The following ACTR1B variants were observed in gnomAD, a reference collection of about 807,000 sequenced individuals.
ACTR1B encodes actin related protein 1B, also known as beta-centractin.
ACTR1B carries 34 observed loss-of-function variants against 49.4 expected under a neutral mutation model. The ratio of observed to expected loss-of-function variants is 0.69; its 90% CI spans 0.52 to 0.92. The LOEUF is 0.92. Ranked by LOEUF, ACTR1B falls within the 40% of genes least tolerant of loss-of-function variation. The pLI is 0.00. For synonymous variants in ACTR1B, 207 were observed against 207.8 expected, an observed-to-expected ratio of 1.00 and a Z score of 0.03; for missense variants, 471 against 522.4, an observed-to-expected ratio of 0.90 and a Z score of 0.96.
chr2:97,664,015 G>T lies in ACTR1B; in HGVS notation c.-125C>A. ...GCCGCTGCCCTCCCTCCCCGAGCCT[G>T]CAGCCTACGCGAGCCCCGCGGGGCT... On this transcript the variant is annotated 5_prime_UTR_variant, in exon 1 of 11. Coordinates refer to ENST00000289228, the MANE Select transcript of ACTR1B (RefSeq NM_005735.4). 1 of 472,486 alleles carries T rather than the reference G, an allele frequency of 2.1e-6. No homozygotes were observed. The highest frequency in any genetic ancestry group is 3.2e-6 in the Non-Finnish European group (1 of 310,024). The allele number at this position is 472,486 out of a possible 1,614,324, so 29.3% of individuals were successfully genotyped here.
Position 97,658,276 on chromosome 2 carries a change from GCCT to G in ACTR1B, c.695_697del (p.Glu232del), listed in dbSNP as rs1357983489. ...GTACTGCACCTTCTCCGTCTCCAGA[GCCT>G]CATCCTTCTGTGGGTTGATGGACAG... is the stretch of plus-strand genomic sequence containing the variant. On this transcript the variant is annotated inframe_deletion, in exon 7 of 11. Coordinates refer to ENST00000289228, the MANE Select transcript of ACTR1B (RefSeq NM_005735.4). The surrounding 1 kb of genome is among the most constrained non-coding windows in gnomAD (Gnocchi z 5.9). 3.7e-6 allele frequency: 6 copies of G among 1,614,078 alleles called. No individual in the cohort carries two copies. The highest frequency in any genetic ancestry group is 5.1e-6 in the Non-Finnish European group (6 of 1,180,050).
intron 2 of ACTR1B, 72 bp from the exon 3 acceptor site, chr2:97,660,718 C>T: frequency 6.8e-7 from 1 of 1,474,550 alleles, no homozygotes; most frequent in South Asian, 1.1e-5. Context: ...AAACCGAAAT[C>T]CAACCATAGT....
Position 97,663,946 on chromosome 2 carries a change from C to A in ACTR1B, c.-56G>T. The A allele has an allele frequency of 5.2e-6, 1 of 193,426 alleles. No homozygotes were observed. Among genetic ancestry groups the A allele is most frequent in the Non-Finnish European group, 1.1e-5 (1 of 91,704 alleles). The allele number at this position is 193,426 out of a possible 1,614,324, so 12.0% of individuals were successfully genotyped here. On this transcript the variant is annotated 5_prime_UTR_variant, in exon 1 of 11. Coordinates refer to ENST00000289228, the MANE Select transcript of ACTR1B (RefSeq NM_005735.4). ...CGGGCTGCAGGAGGCACCGGATGGG[C>A]GGGCGGGCGGGAGGACCGGGACGGC...
rs551464888 is a variant in ACTR1B, at chr2:97,658,160, C to G, written c.751-43G>C. 6.2e-7 allele frequency: 1 copy of G among 1,612,680 alleles called. No homozygotes were observed. The highest frequency in any genetic ancestry group is 2.2e-5 in the East Asian group (1 of 44,852). ...GAGGCAGACAGGCTTCCTGGAGAAG[C>G]GGGCTACCCCTTCCCCCAGGCTGGG... On this transcript the variant is annotated intron_variant, in intron 7 of 10. Transcript: ENST00000289228. The surrounding 1 kb of genome is among the most constrained non-coding windows in gnomAD (Gnocchi z 5.9).
At chr2:97,661,091 C>G (rs866697574) in intron 2 of ACTR1B, among the ~76,000 whole-genome samples, 1 of 152,228 alleles carries the variant, frequency 6.6e-6, no homozygotes, top group Non-Finnish European at 1.5e-5. Context: ...CCACTGCCAG[C>G]GCTTCTGGAT....
chr2:97,661,062 CT>C (rs1675001169), intron 2 of ACTR1B, among the ~76,000 whole-genome samples: 3 of 152,252 alleles, frequency 2.0e-5, no homozygotes, highest in African/African-American at 7.2e-5. Context: ...CCTGCTCTCA[CT>C]CAGTCAAGCG....
chr2:97,663,816 G>GCCCTCCGCGC, intron 1 of ACTR1B, 27 bp downstream of exon 1: 1 of 1,363,848 alleles, frequency 7.3e-7, no homozygotes, highest in Non-Finnish European at 9.6e-7. Context: ...CGGGGCGCCC[G>GCCCTCCGCGC]CCCTCCCCCT....
rs2104494553 is a variant in ACTR1B at position 97,656,471 on chromosome 2, G to A, written c.*387C>T. On this transcript the variant is annotated 3_prime_UTR_variant, in exon 11 of 11. Coordinates refer to ENST00000289228, the MANE Select transcript of ACTR1B (RefSeq NM_005735.4). Reference sequence around the variant, plus strand: ...CAGTGACACACCAGTGGGAGCTGCTGGCTGCCCCTTGCAGCCCACTCCCCA... The same window carrying A: ...CAGTGACACACCAGTGGGAGCTGCTAGCTGCCCCTTGCAGCCCACTCCCCA... 1 of 262,022 alleles carries A rather than the reference G, an allele frequency of 3.8e-6. No individual in the cohort carries two copies. The highest frequency in any genetic ancestry group is 4.9e-5 in the Admixed American group (1 of 20,388). 16.2% of individuals were successfully genotyped at this position (262,022 alleles called of 1,614,324 possible).
At position 97,659,266 on chromosome 2, in the gene ACTR1B, A is replaced by G; in HGVS notation, c.315+86T>C. 6.3e-7 allele frequency: 1 copy of G among 1,587,250 alleles called. No homozygotes were observed. Among genetic ancestry groups the G allele is most frequent in the South Asian group, 1.1e-5 (1 of 88,574 alleles). On this transcript the variant is annotated intron_variant, in intron 4 of 10. Coordinates refer to ENST00000289228, the MANE Select transcript of ACTR1B (RefSeq NM_005735.4). The surrounding 1 kb of genome is among the most constrained non-coding windows in gnomAD (Gnocchi z 4.0). The stretch of plus-strand genomic sequence containing the variant: ...AGGCCCTCTAGAAATGTAGAAGGGA[A>G]ATGTGGGAGCCCGGCGAGGAGGGAC...
At position 97,656,822 on chromosome 2, in the gene ACTR1B, T is replaced by TC; in HGVS notation, c.*35dup. 6.7e-7 allele frequency: 1 copy of TC among 1,498,514 alleles called. No individual in the cohort carries two copies. The allele number at this position is 1,498,514 out of a possible 1,614,324, so 92.8% of individuals were successfully genotyped here. On this transcript the variant is annotated 3_prime_UTR_variant, in exon 11 of 11. Coordinates refer to ENST00000289228, the MANE Select transcript of ACTR1B (RefSeq NM_005735.4). ...GGTTAAAGGCTCTGTCTCCCCTCCCTCCCCCTCTCCCAACATGCCCCGCCC... is the reference window on the plus strand; with the variant it reads ...GGTTAAAGGCTCTGTCTCCCCTCCCTCCCCCCTCTCCCAACATGCCCCGCCC...
chr2:97,658,117 C>T lies in ACTR1B; in HGVS notation c.751G>A (p.Val251Met). The T allele has an allele frequency of 1.9e-6, 3 of 1,613,884 alleles. No homozygotes were observed. The highest frequency in any genetic ancestry group is 2.2e-5 in the East Asian group (1 of 44,874). Residue 251 changes from valine to methionine, a missense_variant and splice_region_variant, in exon 8 of 11, where the codon GTG (valine) becomes ATG (methionine). Val to Met is a conservative substitution (Grantham distance 21, BLOSUM62 1). Transcript: ENST00000289228. The surrounding 1 kb of genome is among the most constrained non-coding windows in gnomAD (Gnocchi z 5.9). ...YTLPDGSTLDVGPARFRAPEL... is the reference protein window; with the variant it reads ...YTLPDGSTLDMGPARFRAPEL... ...GGGGCCCGGAATCGTGCAGGCCCCACCTTTAGTGTACAAGATTGAGGCAGA... is the reference window on the plus strand; with the variant it reads ...GGGGCCCGGAATCGTGCAGGCCCCATCTTTAGTGTACAAGATTGAGGCAGA...
chr2:97,660,425 C>T, intron 3 of ACTR1B, 146 bp downstream of exon 3: 1 of 738,106 alleles, frequency 1.4e-6, no homozygotes, highest in Non-Finnish European at 2.3e-6. Flanking sequence ...TGCCCCATCT[C>T]AGGGGGAGGT....
At position 97,659,874 on chromosome 2, in the gene ACTR1B, CT is replaced by C; in HGVS notation, c.190-398del. On this transcript the variant is annotated intron_variant, in intron 3 of 10. Transcript: ENST00000289228. This position sits in a 1 kb window ranked among gnomAD's most constrained non-coding sequence, Gnocchi z 4.0. Reference sequence around the variant, plus strand: ...GCCCCTCCTGGGCCACCTGTGCCCCCTGACCTACGCCTCTCCCCCCAGCCCT... The same window carrying C: ...GCCCCTCCTGGGCCACCTGTGCCCCCGACCTACGCCTCTCCCCCCAGCCCT... 3.4e-6 allele frequency: 1 copy of C among 297,938 alleles called. No homozygotes were observed. Among genetic ancestry groups the C allele is most frequent in the Non-Finnish European group, 6.4e-6 (1 of 156,006 alleles). The allele number at this position is 297,938 out of a possible 1,614,324, so 18.5% of individuals were successfully genotyped here.
At chr2:97,661,045 T>C (rs1212822173) in intron 2 of ACTR1B, among the ~76,000 whole-genome samples, 1 of 152,214 alleles carries the variant, frequency 6.6e-6, no homozygotes, top group Non-Finnish European at 1.5e-5. Context: ...GGGGCTCCCT[T>C]GTGCACCCTG....
chr2:97,658,629 C>T lies in ACTR1B; in HGVS notation c.455G>A (p.Arg152His), dbSNP rs376955100. Residue 152 changes from arginine to histidine, a missense_variant, in exon 6 of 11, where the codon CGC becomes CAC. Coordinates refer to ENST00000289228, the MANE Select transcript of ACTR1B (RefSeq NM_005735.4). The surrounding 1 kb of genome is among the most constrained non-coding windows in gnomAD (Gnocchi z 5.9). ...TGAGTCTAGAACCACTCCTGTCGTGCGTCCTGTTGCGTACCTGTCACCAGG... is the reference window on the plus strand; with the variant it reads ...TGAGTCTAGAACCACTCCTGTCGTGTGTCCTGTTGCGTACCTGTCACCAGG... ...QAVLSLYATG[R>H]TTGVVLDSGD... 14 of 1,613,696 alleles carry T rather than the reference C, an allele frequency of 8.7e-6. No individual in the cohort carries two copies. Among genetic ancestry groups the T allele is most frequent in the Non-Finnish European group, 1.1e-5 (13 of 1,180,014 alleles).
Position 97,658,088 on chromosome 2 carries a change from CTCGGGGGCCCGGAA to C in ACTR1B, c.766_779del (p.Phe256AlafsTer11). 5.0e-6 allele frequency: 8 copies of C among 1,614,092 alleles called. No homozygotes were observed. Among genetic ancestry groups the C allele is most frequent in the Non-Finnish European group, 6.8e-6 (8 of 1,180,036 alleles). On this transcript the variant is annotated frameshift_variant, in exon 8 of 11. Transcript: ENST00000289228. LOFTEE classifies it high-confidence loss of function. This position sits in a 1 kb window ranked among gnomAD's most constrained non-coding sequence, Gnocchi z 5.9. ...CGACAAGGTCCGGCTGGAACAGCAG[CTCGGGGGCCCGGAA>C]TCGTGCAGGCCCCACCTTTAGTGTA...
Position 97,663,832 on chromosome 2 carries a change from C to T in ACTR1B, c.48+11G>A. 1.4e-6 allele frequency: 2 copies of T among 1,402,358 alleles called. No individual in the cohort carries two copies. The highest frequency in any genetic ancestry group is 1.4e-5 in the South Asian group (1 of 69,154). The allele number at this position is 1,402,358 out of a possible 1,614,324, so 86.9% of individuals were successfully genotyped here. On this transcript the variant is annotated intron_variant, in intron 1 of 10. Coordinates refer to ENST00000289228, the MANE Select transcript of ACTR1B (RefSeq NM_005735.4). ...GGGGCGCCCGCCCTCCCCCTGGCTG[C>T]CGGGCCTCACGTTGTCGATGACCAC...
chr2:97,658,959 G>A lies in ACTR1B; in HGVS notation c.360C>T (p.Asn120=). The A allele has an allele frequency of 6.2e-7, 1 of 1,614,146 alleles. No homozygotes were observed. Among genetic ancestry groups the A allele is most frequent in the Non-Finnish European group, 8.5e-7 (1 of 1,180,016 alleles). ...AGAACACCTCTGCCGCCTTCTCCCGGTTCTTACTCGGGTTGAGCGGGGCCT... is the reference window on the plus strand; with the variant it reads ...AGAACACCTCTGCCGCCTTCTCCCGATTCTTACTCGGGTTGAGCGGGGCCT... The part of the protein sequence containing the change: ...LTEAPLNPSK[N]REKAAEVFFE... Residue 120 remains asparagine, a synonymous_variant, in exon 5 of 11, where the codon AAC becomes AAT. Coordinates refer to ENST00000289228, the MANE Select transcript of ACTR1B (RefSeq NM_005735.4). This position sits in a 1 kb window ranked among gnomAD's most constrained non-coding sequence, Gnocchi z 5.9.
At position 97,659,747 on chromosome 2, in the gene ACTR1B, C is replaced by T. The variant is rs1674962106; in HGVS notation, c.190-270G>A. 5.7e-6 allele frequency: 3 copies of T among 524,556 alleles called. No individual in the cohort carries two copies. Among genetic ancestry groups the T allele is most frequent in the African/African-American group, 1.9e-5 (1 of 51,908 alleles). 32.5% of individuals were successfully genotyped at this position (524,556 alleles called of 1,614,324 possible). A position where few individuals can be genotyped will look rare whatever the true frequency, so the allele number is the denominator to read the frequency against. ...CAGTGTGCCCCGCAATCTGCAGGCT[C>T]TCTTCTTCCCCATTCTCACTGCCGG... On this transcript the variant is annotated intron_variant, in intron 3 of 10. Coordinates refer to ENST00000289228, the MANE Select transcript of ACTR1B (RefSeq NM_005735.4). The surrounding 1 kb of genome is among the most constrained non-coding windows in gnomAD (Gnocchi z 4.0).
Sources: gnomAD v4.1 joint callset for allele counts (sites outside exome capture counted in the v4.1 genomes callset) on GRCh38, gnomAD v4.1.1 for gene constraint, Gnocchi (gnomAD v3.1) non-coding constraint, MANE v1.5 for transcripts, NCBI Gene and HGNC (gene_info 2026-07-23, HGNC 2026-07-21) for gene names.